The following ZBTB44 variants were observed in gnomAD, a reference collection of about 807,000 sequenced individuals.
The protein encoded by ZBTB44 is zinc finger and BTB domain-containing protein 44.
In ZBTB44, 15 loss-of-function variants were observed where a neutral mutation model predicts 54.0. The observed-to-expected ratio is 0.28, with a 90% CI of 0.19 to 0.43. The LOEUF is 0.43. Ranked by LOEUF, ZBTB44 falls within the 20% of genes least tolerant of loss-of-function variation. The probability of loss-of-function intolerance (pLI) is 1.00; values close to 1 mark genes in which losing one functional copy is unlikely to be tolerated. For missense variants in ZBTB44, 487 were observed against 707.1 expected, an observed-to-expected ratio of 0.69 and a Z score of 3.53; for synonymous variants, 230 against 250.1, an observed-to-expected ratio of 0.92 and a Z score of 0.76.
At chr11:130,271,450 G>A (rs1939662705) in intron 1 of ZBTB44, among the ~76,000 whole-genome samples, 1 of 152,054 alleles carries the variant, frequency 6.6e-6, no homozygotes, top group African/African-American at 2.4e-5. Flanking sequence ...GATTACTCGG[G>A]GTATGTCAAA....
rs1953781088 is a variant in ZBTB44, at chr11:130,228,989, C to T, written c.*2775G>A. 6.6e-6 allele frequency: 1 copy of T among 151,986 alleles called. No homozygotes were observed. Among genetic ancestry groups the T allele is most frequent in the South Asian group, 2.1e-4 (1 of 4,806 alleles). 9.4% of individuals were successfully genotyped at this position (151,986 alleles called of 1,614,324 possible). On this transcript the variant is annotated 3_prime_UTR_variant, in exon 8 of 8. Coordinates refer to ENST00000357899, the MANE Select transcript of ZBTB44 (RefSeq NM_001301098.2). ...AAAGTTTTGTTTTTAATCCGCAGTC[C>T]TTACTCTTAAGTTCTCTGTAAACTA...
intron 1 of ZBTB44, among the ~76,000 whole-genome samples, chr11:130,294,237 C>T (rs998365540): frequency 1.3e-5 from 2 of 151,458 alleles, no homozygotes; most frequent in African/African-American, 2.4e-5. Flanking sequence ...AGCGAAACCC[C>T]GTCTCTACTA....
chr11:130,280,956 C>G (rs1226488695), intron 1 of ZBTB44, among the ~76,000 whole-genome samples: 1 of 152,112 alleles, frequency 6.6e-6, no homozygotes, highest in Non-Finnish European at 1.5e-5. Context: ...TTTTTAGCAT[C>G]CAGTCTTACT....
intron 2 of ZBTB44, among the ~76,000 whole-genome samples, chr11:130,250,732 A>G (rs1039133873): frequency 6.6e-6 from 1 of 152,200 alleles, no homozygotes; most frequent in African/African-American, 2.4e-5. Context: ...TAACATCAAC[A>G]TCAACATCAA....
chr11:130,250,549 G>T (rs1937917187), intron 2 of ZBTB44, among the ~76,000 whole-genome samples: 2 of 152,164 alleles, frequency 1.3e-5, no homozygotes, highest in South Asian at 4.1e-4. Flanking sequence ...CATCAGGCCG[G>T]TGCCCCTCTG....
intron 1 of ZBTB44, among the ~76,000 whole-genome samples, chr11:130,284,558 G>C (rs1165486419): frequency 6.6e-6 from 1 of 152,080 alleles, no homozygotes; most frequent in African/African-American, 2.4e-5. Flanking sequence ...GTTCTTAAGA[G>C]TCCACTACTT....
intron 1 of ZBTB44, among the ~76,000 whole-genome samples, chr11:130,266,881 A>G (rs1448225485): frequency 1.3e-5 from 2 of 152,246 alleles, no homozygotes; most frequent in African/African-American, 2.4e-5. Flanking sequence ...TGAAATGACA[A>G]TAAATGATTT....
chr11:130,246,217 AATC>A (rs1954638695), intron 2 of ZBTB44, among the ~76,000 whole-genome samples: 1 of 152,254 alleles, frequency 6.6e-6, no homozygotes, highest in Non-Finnish European at 1.5e-5. Flanking sequence ...TAACACAAGT[AATC>A]ATATGAATTG....
chr11:130,296,894 G>T (rs1162276007), intron 1 of ZBTB44: 1 of 729,682 alleles, frequency 1.4e-6, no homozygotes, highest in Non-Finnish European at 2.5e-6. Context: ...ATTTCAAAGT[G>T]CCTGCCTTTG....
At chr11:130,263,596 G>A (rs1384924015) in intron 1 of ZBTB44, among the ~76,000 whole-genome samples, 1 of 152,130 alleles carries the variant, frequency 6.6e-6, no homozygotes, top group Non-Finnish European at 1.5e-5. Flanking sequence ...CATGTGCATC[G>A]GAGTATTAAA....
intron 1 of ZBTB44, among the ~76,000 whole-genome samples, chr11:130,289,501 T>C (rs906947333): frequency 5.5e-5 from 8 of 146,182 alleles, no homozygotes; most frequent in African/African-American, 2.1e-4. Context: ...AAAAAAAAGA[T>C]TTAGGTAAAA....
intron 1 of ZBTB44, among the ~76,000 whole-genome samples, chr11:130,272,331 A>T (rs1939734520): frequency 6.6e-6 from 1 of 152,218 alleles, no homozygotes; most frequent in Non-Finnish European, 1.5e-5. Context: ...GTGAAGTGGT[A>T]TCTCACTGTA....
intron 1 of ZBTB44, among the ~76,000 whole-genome samples, chr11:130,289,897 TG>T (rs1321838526): frequency 6.6e-6 from 1 of 152,230 alleles, no homozygotes; most frequent in Non-Finnish European, 1.5e-5. Flanking sequence ...AGATCCCAAG[TG>T]AATTCATTAT....
intron 2 of ZBTB44, among the ~76,000 whole-genome samples, chr11:130,254,553 A>G (rs1375234305): frequency 2.6e-5 from 4 of 152,216 alleles, no homozygotes; most frequent in Non-Finnish European, 4.4e-5. Context: ...TAGAATGGTG[A>G]TCATTAAAAA....
chr11:130,310,397 C>G (rs970353567), intron 1 of ZBTB44: 1 of 151,860 alleles, frequency 6.6e-6, no homozygotes, highest in Non-Finnish European at 1.5e-5. Flanking sequence ...TCAAAACTCC[C>G]GTGCTTATCA....
At chr11:130,285,666 G>A (rs181992620) in intron 1 of ZBTB44, 66 of 268,176 alleles carry the variant, frequency 2.5e-4, no homozygotes, top group African/African-American at 1.4e-3. Flanking sequence ...TTTTTTATTT[G>A]CTGCTTCTAC....
chr11:130,269,289 A>ATT (rs1418156796), intron 1 of ZBTB44, among the ~76,000 whole-genome samples: 14 of 78,680 alleles, frequency 1.8e-4, no homozygotes, highest in African/African-American at 4.7e-4. Flanking sequence ...AACTCCACTA[A>ATT]ATAATTAATT....
intron 1 of ZBTB44, among the ~76,000 whole-genome samples, chr11:130,290,189 T>C (rs1251380757): frequency 6.6e-6 from 1 of 152,062 alleles, no homozygotes; most frequent in Non-Finnish European, 1.5e-5. Context: ...GGAGGTGGTG[T>C]AGCAACGTGA....
In ZBTB44 at chr11:130,281,601, T is replaced by TGGG. The variant is rs548610445; in HGVS notation, c.-56-19675_-56-19673dup. Among the ~76,000 whole-genome samples the TGGG allele has an allele frequency of 9.6e-4, 143 of 148,688 alleles. 1 individual carries two copies. The highest frequency in any genetic ancestry group is 3.4e-3 in the African/African-American group (137 of 40,210). ...TAGTTTTATTGTTGTTGTTGTTTTT[T>TGGG]GGGGGGGGGATGGAGTCTCGTCTCA... On this transcript the variant is annotated intron_variant, in intron 1 of 7. Transcript: ENST00000357899.
Sources: allele counts gnomAD v4.1 joint callset (sites outside exome capture counted in the v4.1 genomes callset), GRCh38; gene constraint gnomAD v4.1.1; transcripts MANE v1.5; gene names NCBI Gene and HGNC (gene_info 2026-07-23, HGNC 2026-07-21).